Variants in WDR7 observed in about 807,000 individuals in gnomAD.
WDR7 encodes WD repeat-containing protein 7.
A neutral mutation model predicts 169.4 loss-of-function variants in WDR7; 46 were observed. The ratio of observed to expected loss-of-function variants is 0.27; its 90% confidence interval spans 0.21 to 0.35. The LOEUF (loss-of-function observed/expected upper bound fraction) is 0.35. WDR7 is among the 10% of genes least tolerant of loss of function. WDR7 has a pLI of 1.00. For synonymous variants in WDR7, 612 were observed against 666.8 expected, an observed-to-expected ratio of 0.92 and a Z score of 1.27; for missense variants, 1,534 against 1,859.3, an observed-to-expected ratio of 0.83 and a Z score of 3.22.
intron 26 of WDR7, among the ~76,000 whole-genome samples, chr18:56,971,760 G>T (rs984268578): frequency 8.5e-5 from 13 of 152,270 alleles, no homozygotes; most frequent in African/African-American, 3.1e-4. Context: ...AAAGCCCAGA[G>T]AACCAAGAAA....
At chr18:56,855,098 C>T (rs750484613) in intron 20 of WDR7, among the ~76,000 whole-genome samples, 2 of 152,172 alleles carry the variant, frequency 1.3e-5, no homozygotes, top group African/African-American at 2.4e-5. Flanking sequence ...CAACGCTTGA[C>T]ATTTAAAATT....
intron 20 of WDR7, among the ~76,000 whole-genome samples, chr18:56,836,618 A>G (rs1394419027): frequency 4.6e-5 from 7 of 152,210 alleles, no homozygotes; most frequent in Admixed American, 4.6e-4. Flanking sequence ...ATATGAAAAT[A>G]TTCATTTTCT....
At chr18:56,774,978 G>A (rs2044218481) in intron 16 of WDR7, among the ~76,000 whole-genome samples, 1 of 151,872 alleles carries the variant, frequency 6.6e-6, no homozygotes, top group African/African-American at 2.4e-5. Context: ...CTTAAAAATA[G>A]TTAATATGTT....
At chr18:56,794,328 G>C (rs1258152433) in intron 19 of WDR7, among the ~76,000 whole-genome samples, 1 of 6,996 alleles carries the variant, frequency 1.4e-4, no homozygotes, top group African/African-American at 3.4e-4. Flanking sequence ...TTTTTTTTTT[G>C]AGACAGAGTC....
At chr18:56,809,466 A>G (rs1294298644) in intron 19 of WDR7, among the ~76,000 whole-genome samples, 1 of 152,158 alleles carries the variant, frequency 6.6e-6, no homozygotes, top group Non-Finnish European at 1.5e-5. Flanking sequence ...TAATTTGACA[A>G]ATAAGCTCAC....
intron 13 of WDR7, among the ~76,000 whole-genome samples, chr18:56,725,280 G>A (rs1391156016): frequency 1.3e-5 from 2 of 150,798 alleles, no homozygotes; most frequent in Non-Finnish European, 1.5e-5. Flanking sequence ...CAGTGTAAAA[G>A]TGTTCCTATT....
intron 22 of WDR7, among the ~76,000 whole-genome samples, chr18:56,928,194 T>C (rs1198022170): frequency 6.6e-6 from 1 of 152,234 alleles, no homozygotes; most frequent in African/African-American, 2.4e-5. Context: ...CTGGACGTGG[T>C]GGCTCATACC....
At chr18:56,844,193 A>G (rs1325688987) in intron 20 of WDR7, among the ~76,000 whole-genome samples, 2 of 151,760 alleles carry the variant, frequency 1.3e-5, no homozygotes, top group African/African-American at 2.4e-5. Context: ...AGCAATCCTA[A>G]TGAGCGTGAA....
intron 20 of WDR7, among the ~76,000 whole-genome samples, chr18:56,836,750 C>T (rs1169190242): frequency 6.6e-6 from 1 of 152,014 alleles, no homozygotes; most frequent in African/African-American, 2.4e-5. Context: ...TGAAAGAAGC[C>T]TTTCAACTAA....
chr18:56,879,400 G>A (rs1273960016), intron 20 of WDR7, among the ~76,000 whole-genome samples: 1 of 152,108 alleles, frequency 6.6e-6, no homozygotes, highest in Non-Finnish European at 1.5e-5. Context: ...TCATGTGCGT[G>A]TTGACCATTC....
intron 3 of WDR7, among the ~76,000 whole-genome samples, chr18:56,680,139 G>T (rs985775516): frequency 2.0e-5 from 3 of 152,070 alleles, no homozygotes; most frequent in Non-Finnish European, 2.9e-5. Flanking sequence ...GGCGGATCAC[G>T]TGAGCACAGG....
chr18:56,925,964 T>A (rs1379947790), intron 22 of WDR7, among the ~76,000 whole-genome samples: 4 of 152,210 alleles, frequency 2.6e-5, no homozygotes, highest in African/African-American at 9.6e-5. Context: ...GAGCTTATAT[T>A]TGCAAATTGC....
At chr18:56,867,836 C>T (rs930114789) in intron 20 of WDR7, among the ~76,000 whole-genome samples, 1 of 152,066 alleles carries the variant, frequency 6.6e-6, no homozygotes, top group Non-Finnish European at 1.5e-5. Flanking sequence ...CTGTTTCAGT[C>T]TGATATTTGC....
rs71171009 is a variant in WDR7, at chr18:56,988,590, A to AGTGTGTGTGTGTGTGTGT, written c.4164+26090_4164+26107dup. On this transcript the variant is annotated intron_variant, in intron 26 of 27. Coordinates refer to ENST00000254442, the MANE Select transcript of WDR7 (RefSeq NM_015285.3). ...CAGAAGAAAGACCTCATGGAAGGCAAGTGTGTGTGTGTGTGTGTGTGTGTG... is the reference window on the plus strand; with the variant it reads ...CAGAAGAAAGACCTCATGGAAGGCAAGTGTGTGTGTGTGTGTGTGTGTGTGTGTGTGTGTGTGTGTGTG... Among the ~76,000 whole-genome samples the AGTGTGTGTGTGTGTGTGT allele has an allele frequency of 4.9e-5, 7 of 142,686 alleles. No individual in the cohort carries two copies. The East Asian group carries it at 1.5e-3, about 31-fold the overall frequency. 93.6% of individuals were successfully genotyped at this position (142,686 alleles called of 152,430 possible).
intron 19 of WDR7, among the ~76,000 whole-genome samples, chr18:56,784,553 T>A (rs2044366035): frequency 6.6e-6 from 1 of 152,224 alleles, no homozygotes; most frequent in African/African-American, 2.4e-5. Context: ...TCCATCTTGC[T>A]TGCTCTGGCA....
chr18:56,917,470 C>T (rs1421579250), intron 21 of WDR7, among the ~76,000 whole-genome samples: 1 of 152,062 alleles, frequency 6.6e-6, no homozygotes, highest in East Asian at 1.9e-4. Context: ...TGAGTCTGTG[C>T]TTTGTGATAG....
chr18:56,916,632 CTA>C (rs1223240594), intron 21 of WDR7, among the ~76,000 whole-genome samples: 5 of 152,128 alleles, frequency 3.3e-5, no homozygotes, highest in African/African-American at 4.8e-5. Context: ...CAAATGGAAA[CTA>C]TTTTTTAAAA....
chr18:56,881,900 T>C (rs2046113332), intron 21 of WDR7, among the ~76,000 whole-genome samples: 2 of 152,290 alleles, frequency 1.3e-5, no homozygotes, highest in African/African-American at 4.8e-5. Context: ...CTTTACAATT[T>C]AAAAAACACT....
At chr18:56,770,388 A>T (rs568325944) in intron 16 of WDR7, among the ~76,000 whole-genome samples, 1 of 152,162 alleles carries the variant, frequency 6.6e-6, no homozygotes, top group South Asian at 2.1e-4. Context: ...TCATATACCA[A>T]ATTCAAGTTA....
Sources: gnomAD v4.1 joint callset for allele counts (sites outside exome capture counted in the v4.1 genomes callset) on GRCh38, gnomAD v4.1.1 for gene constraint, MANE v1.5 for transcripts, NCBI Gene and HGNC (gene_info 2026-07-23, HGNC 2026-07-21) for gene names.